NIM1K: variants seen among roughly 807,000 people sequenced by gnomAD.
NIM1K encodes the protein serine/threonine-protein kinase NIM1.
Under a neutral mutation model 37.1 loss-of-function variants are expected in NIM1K, and 35 were observed. That is an observed-to-expected ratio of 0.94 (90% CI 0.72 to 1.25). The LOEUF (loss-of-function observed/expected upper bound fraction) is 1.25. NIM1K is among the 50% of genes most tolerant of loss of function. NIM1K has a pLI of 0.00. For missense variants in NIM1K, 564 were observed against 548.0 expected, an observed-to-expected ratio of 1.03 and a Z score of -0.29; for synonymous variants, 234 against 206.6, an observed-to-expected ratio of 1.13 and a Z score of -1.14.
At position 43,247,469 on chromosome 5, in the gene NIM1K, T is replaced by C. The variant is rs73751061; in HGVS notation, c.292+1402T>C. Among the ~76,000 whole-genome samples the C allele has an allele frequency of 1.8e-3, 275 of 152,358 alleles. 1 individual carries two copies. Among genetic ancestry groups the C allele is most frequent in the African/African-American group, 6.4e-3 (268 of 41,592 alleles). Reference sequence around the variant, plus strand: ...AGTATCTTTATCAGAAGTTCATTCCTGCCCATCCCAATACACAAACTGAGA... The same window carrying C: ...AGTATCTTTATCAGAAGTTCATTCCCGCCCATCCCAATACACAAACTGAGA... On this transcript the variant is annotated intron_variant, in intron 2 of 3. Transcript: ENST00000326035.
chr5:43,242,969 T>G (rs1160150469), intron 1 of NIM1K: 1 of 151,068 alleles, frequency 6.6e-6, no homozygotes, highest in Non-Finnish European at 1.5e-5. Context: ...GCTTGGCTAA[T>G]TTTTGTATTT....
chr5:43,251,213 C>G (rs939332861), intron 2 of NIM1K, among the ~76,000 whole-genome samples: 1 of 152,130 alleles, frequency 6.6e-6, no homozygotes, highest in African/African-American at 2.4e-5. Context: ...AAAATAAGTA[C>G]AATGCAAACA....
intron 1 of NIM1K, among the ~76,000 whole-genome samples, chr5:43,229,099 G>A (rs1752501147): frequency 6.6e-6 from 1 of 151,992 alleles, no homozygotes; most frequent in Non-Finnish European, 1.5e-5. Flanking sequence ...AAAGACTTTT[G>A]GGCCAGGTGT....
chr5:43,266,305 C>G (rs960197778), intron 2 of NIM1K, among the ~76,000 whole-genome samples: 1 of 152,222 alleles, frequency 6.6e-6, no homozygotes, highest in African/African-American at 2.4e-5. Flanking sequence ...TTTACCTACT[C>G]AAGCCTCAGC....
intron 2 of NIM1K, among the ~76,000 whole-genome samples, chr5:43,252,739 C>T (rs1393984997): frequency 6.6e-6 from 1 of 152,084 alleles, no homozygotes; most frequent in East Asian, 1.9e-4. Flanking sequence ...TCATCATGAG[C>T]CCCCTTTTAG....
At position 43,213,189 on chromosome 5, in the gene NIM1K, C is replaced by T. The variant is rs202042995; in HGVS notation, c.-695+20778C>T. On this transcript the variant is annotated intron_variant, in intron 1 of 3. Transcript: ENST00000326035. ...TTTTTCTTTCTTTCTTTCTTTCTTT[C>T]TTTCTTTCTTTCTTTCTTTCTTTCT... is the stretch of plus-strand genomic sequence containing the variant. Among the ~76,000 whole-genome samples the T allele has an allele frequency of 3.5e-3, 206 of 59,182 alleles. 13 individuals are homozygous for T. Among genetic ancestry groups the T allele is most frequent in the African/African-American group, 9.8e-3 (174 of 17,748 alleles). 38.8% of individuals were successfully genotyped at this position (59,182 alleles called of 152,430 possible). A position where few individuals can be genotyped will look rare whatever the true frequency, so the allele number is the denominator to read the frequency against.
chr5:43,255,267 A>G (rs530721241), intron 2 of NIM1K, among the ~76,000 whole-genome samples: 2 of 152,320 alleles, frequency 1.3e-5, no homozygotes, highest in Non-Finnish European at 2.9e-5. Flanking sequence ...CTTCAGTGAG[A>G]TTATTCACTC....
intron 1 of NIM1K, among the ~76,000 whole-genome samples, chr5:43,203,705 C>T (rs796814827): frequency 2.6e-4 from 39 of 152,150 alleles, no homozygotes; most frequent in African/African-American, 8.7e-4. Flanking sequence ...GTGACATTAC[C>T]AGAGCTAGTC....
intron 1 of NIM1K, among the ~76,000 whole-genome samples, chr5:43,208,749 C>A (rs1254239788): frequency 6.6e-6 from 1 of 152,168 alleles, no homozygotes; most frequent in East Asian, 1.9e-4. Context: ...TGAAGCAGAT[C>A]TCAGAACTTT....
In NIM1K at chr5:43,245,711, G is replaced by A. The variant is rs1752766476; in HGVS notation, c.-65G>A. On this transcript the variant is annotated 5_prime_UTR_variant, in exon 2 of 4. Coordinates refer to ENST00000326035, the MANE Select transcript of NIM1K (RefSeq NM_153361.4). ...CCTCAGTTGGCATCTCCCACCCTCT[G>A]AGCCTCTTCTGCTCCTGCACAACCT... The A allele has an allele frequency of 4.0e-6, 6 of 1,482,998 alleles. No individual in the cohort carries two copies. The highest frequency in any genetic ancestry group is 4.0e-5 in the South Asian group (3 of 74,896). The allele number at this position is 1,482,998 out of a possible 1,614,324, so 91.9% of individuals were successfully genotyped here. A position where few individuals can be genotyped will look rare whatever the true frequency, so the allele number is the denominator to read the frequency against.
intron 2 of NIM1K, among the ~76,000 whole-genome samples, chr5:43,253,360 C>A (rs1204239065): frequency 1.3e-5 from 2 of 151,192 alleles, no homozygotes; most frequent in Non-Finnish European, 2.9e-5. Flanking sequence ...CTTACCTGTG[C>A]CCCGTGGATC....
intron 1 of NIM1K, chr5:43,232,839 G>T: frequency 9.7e-7 from 1 of 1,033,576 alleles, no homozygotes; most frequent in Non-Finnish European, 1.5e-6. Flanking sequence ...TGATCTCCTG[G>T]CCAATGGTGT....
At chr5:43,259,868 T>G (rs1344965200) in intron 2 of NIM1K, among the ~76,000 whole-genome samples, 1 of 152,154 alleles carries the variant, frequency 6.6e-6, no homozygotes, top group Non-Finnish European at 1.5e-5. Flanking sequence ...TCTAAGTCAA[T>G]GTCCAGTAGA....
intron 1 of NIM1K, among the ~76,000 whole-genome samples, chr5:43,213,461 C>T (rs1261970721): frequency 1.3e-5 from 2 of 151,712 alleles, no homozygotes; most frequent in South Asian, 2.1e-4. Context: ...TCCCAAGTAG[C>T]TGGGATTACC....
chr5:43,208,941 G>A (rs1031824923), intron 1 of NIM1K, among the ~76,000 whole-genome samples: 3 of 152,308 alleles, frequency 2.0e-5, no homozygotes, highest in South Asian at 2.1e-4. Flanking sequence ...CAAGGAGCAG[G>A]AACTCGGGCA....
chr5:43,268,520 A>G (rs1753204779), intron 2 of NIM1K, among the ~76,000 whole-genome samples: 2 of 152,204 alleles, frequency 1.3e-5, no homozygotes, highest in Non-Finnish European at 1.5e-5. Context: ...TGGTGGGTCC[A>G]TATGGGTCCA....
At chr5:43,202,860 A>T (rs923906115) in intron 1 of NIM1K, among the ~76,000 whole-genome samples, 2 of 152,210 alleles carry the variant, frequency 1.3e-5, no homozygotes, top group African/African-American at 4.8e-5. Context: ...ACCTCACAAC[A>T]TACCTGGTTC....
intron 1 of NIM1K, among the ~76,000 whole-genome samples, chr5:43,211,709 G>A (rs1313084503): frequency 6.6e-6 from 1 of 152,166 alleles, no homozygotes; most frequent in Non-Finnish European, 1.5e-5. Flanking sequence ...TAGATCTTGA[G>A]GAGCTTTCTA....
chr5:43,210,594 G>T (rs567124018), intron 1 of NIM1K, among the ~76,000 whole-genome samples: 51 of 152,246 alleles, frequency 3.3e-4, no homozygotes, highest in African/African-American at 1.1e-3. Context: ...GGTTCAGCGG[G>T]GTATGGGTTG....
Sources: gnomAD v4.1 joint callset for allele counts (sites outside exome capture counted in the v4.1 genomes callset) on GRCh38, gnomAD v4.1.1 for gene constraint, MANE v1.5 for transcripts, NCBI Gene and HGNC (gene_info 2026-07-23, HGNC 2026-07-21) for gene names.